Variants in ESPN observed in about 807,000 individuals in gnomAD.
ESPN encodes autosomal recessive deafness type 36 protein.
ESPN carries 68 observed loss-of-function variants against 77.7 expected under a neutral mutation model. The observed-to-expected ratio is 0.87, with a 90% confidence interval of 0.72 to 1.07. The LOEUF is 1.07. Ranked by LOEUF, ESPN falls within the 50% of genes least tolerant of loss-of-function variation. The pLI is 0.00. For synonymous variants in ESPN, 449 were observed against 567.1 expected (o/e 0.79, Z 2.96); for missense variants, 1,060 against 1,239.0 (o/e 0.86, Z 2.17).
Position 6,460,112 on chromosome 1 carries a change from T to G in ESPN, c.2531T>G (p.Val844Gly). Residue 844 changes from valine to glycine, a missense_variant, in exon 13 of 13, where the codon GTC becomes GGC. Physicochemically the swap from Val to Gly is moderately radical, Grantham distance 109. This residue lies in a region of ESPN where 374 missense variants were observed against 381.4 expected (regional missense o/e 0.98). Transcript: ENST00000645284. ...AAGCTGGCGCCCTGGCAGCGACAGGTCATCCTGAAGAAGGGGGACATCGCT... is the reference window on the plus strand; with the variant it reads ...AAGCTGGCGCCCTGGCAGCGACAGGGCATCCTGAAGAAGGGGGACATCGCT... Reference protein sequence around the residue: ...ESKLAPWQRQVILKKGDIAKY With the variant: ...ESKLAPWQRQGILKKGDIAKY 1 of 1,612,894 alleles carries G rather than the reference T, an allele frequency of 6.2e-7. No individual in the cohort carries two copies. Among genetic ancestry groups the G allele is most frequent in the Non-Finnish European group, 8.5e-7 (1 of 1,179,962 alleles).
chr1:6,455,411 G>A (rs981472397), intron 10 of ESPN: 1 of 392,086 alleles, frequency 2.6e-6, no homozygotes, highest in Non-Finnish European at 4.5e-6. Flanking sequence ...TGGAGGCCAC[G>A]GACGCCCCCC....
At chr1:6,452,897 A>ATTTTTATTTTTTT (rs1553169574) in intron 10 of ESPN, among the ~76,000 whole-genome samples, 1 of 138,724 alleles carries the variant, frequency 7.2e-6, no homozygotes, top group African/African-American at 3.4e-5. Context: ...ATTTATTTTT[A>ATTTTTATTTTTTT]TTTTTTATTT....
At chr1:6,441,997 A>G (rs1305868944) in intron 5 of ESPN, among the ~76,000 whole-genome samples, 1 of 152,218 alleles carries the variant, frequency 6.6e-6, no homozygotes, top group African/African-American at 2.4e-5. Context: ...TGAATGGCCC[A>G]GCAGGTAGTG....
At chr1:6,441,860 C>G (rs1027291241) in intron 5 of ESPN, among the ~76,000 whole-genome samples, 1 of 81,426 alleles carries the variant, frequency 1.2e-5, no homozygotes, top group Admixed American at 1.0e-4. Flanking sequence ...CATCTGCCCT[C>G]CCCCCCCCAG....
intron 12 of ESPN, among the ~76,000 whole-genome samples, chr1:6,458,064 C>A (rs1644087127): frequency 6.6e-6 from 1 of 151,618 alleles, no homozygotes; most frequent in African/African-American, 2.4e-5. Flanking sequence ...TCTTGTCACC[C>A]AATCTGGAGT....
intron 5 of ESPN, among the ~76,000 whole-genome samples, chr1:6,442,055 G>A (rs957631318): frequency 2.6e-5 from 4 of 152,174 alleles, no homozygotes; most frequent in Non-Finnish European, 5.9e-5. Context: ...ACTGGGAAGG[G>A]CATTTCTGCA....
intron 1 of ESPN, among the ~76,000 whole-genome samples, chr1:6,426,749 G>A (rs1643051216): frequency 6.6e-6 from 1 of 152,134 alleles, no homozygotes; most frequent in Admixed American, 6.5e-5. Flanking sequence ...CTGGGGCTTA[G>A]GTCACATTTC....
At chr1:6,442,116 C>T (rs1643659465) in intron 5 of ESPN, among the ~76,000 whole-genome samples, 2 of 152,112 alleles carry the variant, frequency 1.3e-5, no homozygotes, top group African/African-American at 2.4e-5. Flanking sequence ...TGTTGAGGGA[C>T]CGTGGGGGGT....
chr1:6,451,889 A>G lies in ESPN; in HGVS notation c.2118A>G (p.Thr706=). The G allele has an allele frequency of 1.9e-6, 3 of 1,610,946 alleles. No homozygotes were observed. The highest frequency in any genetic ancestry group is 2.5e-6 in the Non-Finnish European group (3 of 1,178,954). ...SPALSPVRSP[T]PPAAGFQPLL... ...CACTGTCACCAGTCCGGAGCCCCAC[A>G]CCGCCAGCTGCGGGGTTTCAGCCGC... Residue 706 remains threonine (T), a synonymous_variant, in exon 10 of 13, where the codon ACA becomes ACG. Transcript: ENST00000645284. The surrounding 1 kb of genome is among the most constrained non-coding windows in gnomAD (Gnocchi z 4.3).
In ESPN at chr1:6,440,932, A is replaced by G; in HGVS notation, c.859-2A>G. ...CCGGGTCCTCACTGCGTGCCCCCGC[A>G]GTGCTGCCAGATCCTGGTAGTGAAC... On this transcript the variant is annotated splice_acceptor_variant, in intron 4 of 12. Coordinates refer to ENST00000645284, the MANE Select transcript of ESPN (RefSeq NM_031475.3). LOFTEE classifies it high-confidence loss of function. 1.9e-6 allele frequency: 3 copies of G among 1,569,834 alleles called. No homozygotes were observed. The highest frequency in any genetic ancestry group is 2.6e-6 in the Non-Finnish European group (3 of 1,158,912).
In ESPN at chr1:6,451,033, C is replaced by CT. The variant is rs2148537292; in HGVS notation, c.1916-569dup. Among the ~76,000 whole-genome samples, 2 of 152,338 alleles carry CT rather than the reference C, an allele frequency of 1.3e-5. No homozygotes were observed. The highest frequency in any genetic ancestry group is 2.1e-4 in the South Asian group (1 of 4,830). On this transcript the variant is annotated intron_variant, in intron 8 of 12. Coordinates refer to ENST00000645284, the MANE Select transcript of ESPN (RefSeq NM_031475.3). The surrounding 1 kb of genome is among the most constrained non-coding windows in gnomAD (Gnocchi z 4.3). ...TGAGCCATGCTTTGCCATAAAGGTG[C>CT]TCCCGGCTTGCAACCAATGTGTCTG...
Position 6,425,203 on chromosome 1 carries a change from T to A in ESPN, c.248T>A (p.Leu83His), listed in dbSNP as rs1359390265. 1 of 1,549,976 alleles carries A rather than the reference T, an allele frequency of 6.5e-7. No homozygotes were observed. The highest frequency in any genetic ancestry group is 8.7e-7 in the Non-Finnish European group (1 of 1,155,700). The change falls in exon 1 of 13, where the codon CTC becomes CAC. Residue 83 changes from leucine (L) to histidine (H), a missense_variant. By Grantham distance (99) the Leu-to-His change is moderately conservative. This residue lies in a region of ESPN where 556 missense variants were observed against 633.6 expected (regional missense o/e 0.88). Coordinates refer to ENST00000645284, the MANE Select transcript of ESPN (RefSeq NM_031475.3). Reference sequence around the variant, plus strand: ...CACGACGCCTCCGCCACCGGCCACCTCGCCTGCCTGCAGTGGCTGCTGTCG... The same window carrying A: ...CACGACGCCTCCGCCACCGGCCACCACGCCTGCCTGCAGTGGCTGCTGTCG... ...PAHDASATGH[L>H]ACLQWLLSQG...
intron 2 of ESPN, among the ~76,000 whole-genome samples, chr1:6,432,949 C>T (rs1435077554): frequency 1.3e-5 from 2 of 151,604 alleles, no homozygotes; most frequent in African/African-American, 2.4e-5. Context: ...GAAGAAACCC[C>T]GTCTCTACTA....
At chr1:6,453,145 C>T (rs1391566633) in intron 10 of ESPN, among the ~76,000 whole-genome samples, 7 of 152,228 alleles carry the variant, frequency 4.6e-5, no homozygotes, top group African/African-American at 7.2e-5. Flanking sequence ...CCGCCTGCCT[C>T]GGCCTCCCAA....
chr1:6,454,109 TC>T (rs1644004350), intron 10 of ESPN, among the ~76,000 whole-genome samples: 1 of 152,152 alleles, frequency 6.6e-6, no homozygotes, highest in African/African-American at 2.4e-5. Context: ...TTTCGCAAGT[TC>T]CTTGGGTGGT....
chr1:6,457,403 C>T (rs768122259), intron 12 of ESPN, 31 bp downstream of exon 12: 3 of 1,614,172 alleles, frequency 1.9e-6, no homozygotes, highest in South Asian at 1.1e-5. Flanking sequence ...AACCTGCCAC[C>T]CTTATCCCCA....
At chr1:6,444,834 T>C in intron 6 of ESPN, 152 bp downstream of exon 6, 1 of 864,320 alleles carries the variant, frequency 1.2e-6, no homozygotes, top group Middle Eastern at 3.1e-4. Context: ...ACACCCCTTC[T>C]GGTGAGAGAC....
At position 6,457,381 on chromosome 1, in the gene ESPN, A is replaced by C. The variant is rs1557720524; in HGVS notation, c.2417+9A>C. ...TCCAGGGAGCAGAAGCGGTGAGTGC[A>C]GGGCTGGCCCCAACCTGCCACCCTT... On this transcript the variant is annotated intron_variant, in intron 12 of 12. Transcript: ENST00000645284. The C allele has an allele frequency of 6.2e-7, 1 of 1,614,186 alleles. No homozygotes were observed. The highest frequency in any genetic ancestry group is 8.5e-7 in the Non-Finnish European group (1 of 1,180,030).
intron 3 of ESPN, 23 bp from the exon 4 acceptor site, chr1:6,440,603 C>CAAAA: frequency 3.2e-6 from 4 of 1,261,252 alleles, no homozygotes; most frequent in Non-Finnish European, 4.4e-6. Flanking sequence ...CCCCGCCCCC[C>CAAAA]TCTCCCCGCC....
Sources: gnomAD v4.1 joint callset for allele counts (sites outside exome capture counted in the v4.1 genomes callset) on GRCh38, gnomAD v4.1.1 for gene constraint, gnomAD v4.1.1 regional missense constraint, Gnocchi (gnomAD v3.1) non-coding constraint, MANE v1.5 for transcripts, NCBI Gene and HGNC (gene_info 2026-07-23, HGNC 2026-07-21) for gene names.